Variants in DLGAP2 observed in about 807,000 individuals in gnomAD.
DLGAP2 encodes DLG associated protein 2.
In DLGAP2, 26 loss-of-function variants were observed where a neutral mutation model predicts 100.3. The observed-to-expected ratio is 0.26, with a 90% CI of 0.19 to 0.36. The LOEUF is 0.36. Among genes scored for constraint, DLGAP2 ranks in the 10% least tolerant of loss-of-function variants. The pLI is 1.00. For missense variants in DLGAP2, 1,858 were observed against 1,453.2 expected, an observed-to-expected ratio of 1.28 and a Z score of -4.53; for synonymous variants, 886 against 630.1, an observed-to-expected ratio of 1.41 and a Z score of -6.08.
chr8:787,357 A>G (rs1821896696), intron 1 of DLGAP2, among the ~76,000 whole-genome samples: 1 of 152,212 alleles, frequency 6.6e-6, no homozygotes, highest in Non-Finnish European at 1.5e-5. Flanking sequence ...TGTAGCAATC[A>G]TATACCCCTG....
At chr8:1,528,457 T>C (rs544687167) in intron 4 of DLGAP2, among the ~76,000 whole-genome samples, 56 of 152,314 alleles carry the variant, frequency 3.7e-4, no homozygotes, top group African/African-American at 1.3e-3. Flanking sequence ...ATCTCACATC[T>C]ATGAAAACTT....
At chr8:1,249,866 T>C (rs78432553) in intron 2 of DLGAP2, among the ~76,000 whole-genome samples, 2,160 of 152,294 alleles carry the variant, frequency 0.014, 31 homozygotes, top group South Asian at 0.07. Context: ...TTAGAGATTT[T>C]AATAAGCTAA....
intron 3 of DLGAP2, among the ~76,000 whole-genome samples, chr8:1,294,271 A>G (rs960334806): frequency 6.6e-6 from 1 of 152,210 alleles, no homozygotes; most frequent in Admixed American, 6.5e-5. Flanking sequence ...ATCACATTAT[A>G]CTTGGGCTGG....
chr8:839,808 G>C (rs964985410), intron 1 of DLGAP2, among the ~76,000 whole-genome samples: 2 of 152,226 alleles, frequency 1.3e-5, no homozygotes, highest in African/African-American at 4.8e-5. Flanking sequence ...TCAGCCTTCA[G>C]ATCTGTCTCC....
chr8:1,304,051 T>G (rs1248524841), intron 3 of DLGAP2, among the ~76,000 whole-genome samples: 1 of 152,224 alleles, frequency 6.6e-6, no homozygotes, highest in Admixed American at 6.5e-5. Flanking sequence ...TTTCTCAGAC[T>G]GCAAAGGTCA....
At chr8:1,581,484 C>A (rs73174720) in intron 6 of DLGAP2, among the ~76,000 whole-genome samples, 4 of 143,902 alleles carry the variant, frequency 2.8e-5, no homozygotes, top group South Asian at 2.3e-4. Context: ...ATATATACAC[C>A]ACAGTCAAAC....
intron 3 of DLGAP2, among the ~76,000 whole-genome samples, chr8:1,335,435 C>T (rs1410092562): frequency 2.0e-5 from 3 of 152,148 alleles, no homozygotes; most frequent in African/African-American, 7.2e-5. Flanking sequence ...TATGCTGTGT[C>T]CAGAGACCCA....
rs571632793 is a variant in DLGAP2, at chr8:741,719, T to G, written c.18+3894T>G. Among the ~76,000 whole-genome samples, 359 of 152,368 alleles carry G rather than the reference T, an allele frequency of 2.4e-3. 2 individuals are homozygous for G. Among genetic ancestry groups the G allele is most frequent in the African/African-American group, 8.4e-3 (348 of 41,592 alleles). ...CTTTCCAGGCAGCAGCCAGCTCCCC[T>G]TAGGGAACACCTGCCACCTCATGGG... On this transcript the variant is annotated intron_variant, in intron 1 of 14. Coordinates refer to ENST00000637795, the MANE Select transcript of DLGAP2 (RefSeq NM_001346810.2).
At chr8:1,596,271 A>G (rs962539632) in intron 6 of DLGAP2, among the ~76,000 whole-genome samples, 1 of 152,116 alleles carries the variant, frequency 6.6e-6, no homozygotes, top group Non-Finnish European at 1.5e-5. Flanking sequence ...GCAGTTTATC[A>G]TTGATGGTCA....
At chr8:1,535,470 G>A (rs969399294) in intron 4 of DLGAP2, among the ~76,000 whole-genome samples, 7 of 152,306 alleles carry the variant, frequency 4.6e-5, no homozygotes, top group African/African-American at 7.2e-5. Context: ...TGAGTGTGTC[G>A]ACACACATGT....
intron 6 of DLGAP2, among the ~76,000 whole-genome samples, chr8:1,609,599 G>C (rs1448276121): frequency 1.6e-5 from 2 of 128,032 alleles, no homozygotes; most frequent in Non-Finnish European, 3.4e-5. Flanking sequence ...TGGCAAGTTG[G>C]ATAAAGAGTC....
chr8:1,043,340 G>A (rs139627203), intron 2 of DLGAP2, among the ~76,000 whole-genome samples: 3,198 of 139,550 alleles, frequency 0.023, 209 homozygotes, highest in African/African-American at 0.089. Flanking sequence ...GGTGTGGGTG[G>A]TGGGTGTGGG....
chr8:1,194,312 C>T (rs941301895), intron 2 of DLGAP2, among the ~76,000 whole-genome samples: 3 of 152,084 alleles, frequency 2.0e-5, no homozygotes, highest in African/African-American at 7.2e-5. Flanking sequence ...GTTGGCAGTG[C>T]CGCGTCCCGG....
intron 1 of DLGAP2, among the ~76,000 whole-genome samples, chr8:899,944 G>A (rs998384540): frequency 6.6e-6 from 1 of 152,248 alleles, no homozygotes; most frequent in African/African-American, 2.4e-5. Flanking sequence ...GAGGCCAGCG[G>A]GAACAGCGAG....
chr8:1,130,092 A>G (rs79733805), intron 2 of DLGAP2, among the ~76,000 whole-genome samples: 5 of 1,838 alleles, frequency 2.7e-3, no homozygotes, highest in East Asian at 5.1e-3. Flanking sequence ...ATCGTGTCAG[A>G]CACTTCACGC....
chr8:1,512,328 T>C (rs1800194879), intron 4 of DLGAP2, among the ~76,000 whole-genome samples: 1 of 152,166 alleles, frequency 6.6e-6, no homozygotes, highest in Non-Finnish European at 1.5e-5. Context: ...ATGATCAAAG[T>C]TGTTTATTTC....
At position 1,644,109 on chromosome 8, in the gene DLGAP2, C is replaced by A. The variant is rs62483080; in HGVS notation, c.1810+11063C>A. Among the ~76,000 whole-genome samples the A allele has an allele frequency of 4.4e-3, 261 of 59,140 alleles. 28 individuals carry two copies. The highest frequency in any genetic ancestry group is 0.013 in the African/African-American group (184 of 14,190). 38.8% of individuals were successfully genotyped at this position (59,140 alleles called of 152,430 possible). On this transcript the variant is annotated intron_variant, in intron 8 of 14. Transcript: ENST00000637795. ...CGGTCCTCACCTGTGTCACCCTCGACCCCGCCGGCCCTCACCTGTGTCACC... is the reference window on the plus strand; with the variant it reads ...CGGTCCTCACCTGTGTCACCCTCGAACCCGCCGGCCCTCACCTGTGTCACC...
intron 2 of DLGAP2, among the ~76,000 whole-genome samples, chr8:977,686 T>C (rs1800201911): frequency 1.3e-5 from 2 of 151,912 alleles, no homozygotes; most frequent in African/African-American, 4.8e-5. Flanking sequence ...TTATAGACTG[T>C]TTTTTAAGAG....
At chr8:751,036 C>A (rs1352420360) in intron 1 of DLGAP2, among the ~76,000 whole-genome samples, 1 of 151,962 alleles carries the variant, frequency 6.6e-6, no homozygotes. Flanking sequence ...CACCCTCTCA[C>A]GGAAAGGAGC....
Sources: gnomAD v4.1 joint callset for allele counts (sites outside exome capture counted in the v4.1 genomes callset) on GRCh38, gnomAD v4.1.1 for gene constraint, MANE v1.5 for transcripts, NCBI Gene and HGNC (gene_info 2026-07-23, HGNC 2026-07-21) for gene names.